Variants in DTNBP1 observed in about 807,000 individuals in gnomAD.
The protein encoded by DTNBP1 is dystrobrevin binding protein 1, also known as dysbindin.
DTNBP1 carries 35 observed loss-of-function variants against 42.8 expected under a neutral mutation model. The observed-to-expected ratio is 0.82, with a 90% CI of 0.63 to 1.09. The LOEUF (loss-of-function observed/expected upper bound fraction) is 1.09, where lower values mean the gene tolerates loss of function less well. Ranked by LOEUF, DTNBP1 falls within the 50% of genes least tolerant of loss-of-function variation. The pLI, the probability that DTNBP1 is intolerant of heterozygous loss-of-function variation, is 0.00. For synonymous variants in DTNBP1, 171 were observed against 162.2 expected (o/e 1.05, Z -0.41); for missense variants, 457 against 424.2 (o/e 1.08, Z -0.68).
At chr6:15,523,560 TTC>T (rs1491534955) in intron 9 of DTNBP1, 15 of 1,191,586 alleles carry the variant, frequency 1.3e-5, no homozygotes, top group East Asian at 1.4e-4. Context: ...TAATCTAGAT[TTC>T]TTTTTTTTTT....
At chr6:15,556,418 GATC>G (rs1355161384) in intron 7 of DTNBP1, among the ~76,000 whole-genome samples, 1 of 152,110 alleles carries the variant, frequency 6.6e-6, no homozygotes, top group African/African-American at 2.4e-5. Flanking sequence ...CTGACCTCGT[GATC>G]TGCCTGCCTC....
At chr6:15,572,989 C>T (rs550325314) in intron 7 of DTNBP1, among the ~76,000 whole-genome samples, 1 of 152,302 alleles carries the variant, frequency 6.6e-6, no homozygotes, top group Non-Finnish European at 1.5e-5. Flanking sequence ...GCCTTGGCCT[C>T]CAAACATATG....
At chr6:15,525,029 C>T (rs182703603) in intron 8 of DTNBP1, among the ~76,000 whole-genome samples, 18 of 152,372 alleles carry the variant, frequency 1.2e-4, no homozygotes, top group Admixed American at 9.8e-4. Context: ...TCCCTGCCAG[C>T]CACAGCTCTG....
chr6:15,528,081 T>C (rs1407111191), intron 8 of DTNBP1, among the ~76,000 whole-genome samples: 2 of 152,180 alleles, frequency 1.3e-5, no homozygotes, highest in African/African-American at 2.4e-5. Flanking sequence ...AGAAACTTAC[T>C]GCAATTCCGC....
chr6:15,531,656 A>G (rs964654787), intron 8 of DTNBP1, among the ~76,000 whole-genome samples: 2 of 152,038 alleles, frequency 1.3e-5, no homozygotes, highest in Non-Finnish European at 2.9e-5. Context: ...ATTTTTTGAG[A>G]TGGAGTCTTG....
chr6:15,628,199 G>A (rs1453148681), intron 4 of DTNBP1, among the ~76,000 whole-genome samples: 2 of 152,074 alleles, frequency 1.3e-5, no homozygotes, highest in African/African-American at 2.4e-5. Context: ...CATAGTGGGA[G>A]GGACAAGGGC....
chr6:15,523,470 C>T (rs568235244), intron 9 of DTNBP1: 3 of 1,302,874 alleles, frequency 2.3e-6, no homozygotes, highest in African/African-American at 1.5e-5. Context: ...ATCAAGTGCT[C>T]CTAAGGCTGT....
At chr6:15,567,298 A>C (rs544746977) in intron 7 of DTNBP1, among the ~76,000 whole-genome samples, 1 of 152,100 alleles carries the variant, frequency 6.6e-6, no homozygotes, top group East Asian at 1.9e-4. Context: ...CTTAAAAAAA[A>C]AAAAATTAGA....
intron 7 of DTNBP1, among the ~76,000 whole-genome samples, chr6:15,552,238 T>C (rs930306569): frequency 6.6e-6 from 1 of 152,116 alleles, no homozygotes. Flanking sequence ...GCATTAAAAA[T>C]AGCATGCCAA....
chr6:15,542,360 ATTTGT>A (rs943886795), intron 7 of DTNBP1, among the ~76,000 whole-genome samples: 9 of 151,978 alleles, frequency 5.9e-5, no homozygotes, highest in Non-Finnish European at 1.3e-4. Context: ...GGGACCTATG[ATTTGT>A]TTTGTTTTTT....
At chr6:15,523,734 G>A (rs1233039659) in intron 9 of DTNBP1, 2 of 1,287,228 alleles carry the variant, frequency 1.6e-6, no homozygotes, top group East Asian at 5.5e-5. Context: ...CTCTGGGTGA[G>A]GGTTCACGCT....
chr6:15,545,965 C>T, intron 7 of DTNBP1: 2 of 416,088 alleles, frequency 4.8e-6, no homozygotes. Context: ...GGTCTCAGCA[C>T]ACCACTCACC....
At chr6:15,594,703 C>T (rs1776435848) in intron 6 of DTNBP1, among the ~76,000 whole-genome samples, 1 of 151,824 alleles carries the variant, frequency 6.6e-6, no homozygotes, top group South Asian at 2.1e-4. Flanking sequence ...CTCACATTAG[C>T]AATTCCCCGA....
At chr6:15,631,148 T>G (rs1266626176) in intron 4 of DTNBP1, among the ~76,000 whole-genome samples, 1 of 152,092 alleles carries the variant, frequency 6.6e-6, no homozygotes, top group Non-Finnish European at 1.5e-5. Flanking sequence ...CAAAATAAAT[T>G]TACAAAATGA....
chr6:15,597,864 A>C (rs1410405108), intron 6 of DTNBP1, among the ~76,000 whole-genome samples: 2 of 152,234 alleles, frequency 1.3e-5, no homozygotes, highest in Admixed American at 1.3e-4. Flanking sequence ...ATTTTTGATA[A>C]AGTTTGATCA....
intron 8 of DTNBP1, among the ~76,000 whole-genome samples, chr6:15,526,261 G>A (rs1207771358): frequency 6.6e-6 from 1 of 152,196 alleles, no homozygotes; most frequent in Admixed American, 6.5e-5. Flanking sequence ...TAAGCAAAGA[G>A]ACGTGTGAGT....
At chr6:15,570,424 A>G (rs573769185) in intron 7 of DTNBP1, among the ~76,000 whole-genome samples, 1 of 152,314 alleles carries the variant, frequency 6.6e-6, no homozygotes, top group South Asian at 2.1e-4. Flanking sequence ...GTTCTCCAAA[A>G]GCCCACACCT....
rs551396206 is a variant in DTNBP1 at position 15,591,909 on chromosome 6, A to AAAAAGAATGTAT, written c.511+1138_511+1149dup. The stretch of plus-strand genomic sequence containing the variant: ...AATCTTATTTTAAACCACTGATTGA[A>AAAAAGAATGTAT]AAAAGAATGTATACAAGTAGTGGTT... On this transcript the variant is annotated intron_variant, in intron 7 of 9. Coordinates refer to ENST00000344537, the MANE Select transcript of DTNBP1 (RefSeq NM_032122.5). 2.6e-3 allele frequency among the ~76,000 whole-genome samples: 401 copies of AAAAAGAATGTAT among 152,368 alleles called. 7 individuals carry two copies. Among genetic ancestry groups the AAAAAGAATGTAT allele is most frequent in the Admixed American group, 0.02 (299 of 15,312 alleles).
chr6:15,602,667 C>G (rs1776775965), intron 6 of DTNBP1, among the ~76,000 whole-genome samples: 1 of 152,090 alleles, frequency 6.6e-6, no homozygotes, highest in Non-Finnish European at 1.5e-5. Flanking sequence ...AATGTACAAA[C>G]TATAATCAAT....
Sources: allele counts gnomAD v4.1 joint callset (sites outside exome capture counted in the v4.1 genomes callset), GRCh38; gene constraint gnomAD v4.1.1; transcripts MANE v1.5; gene names NCBI Gene and HGNC (gene_info 2026-07-23, HGNC 2026-07-21).